The following CD99L2 variants were observed in gnomAD, a reference collection of about 807,000 sequenced individuals.
The protein encoded by CD99L2 is CD99 antigen-like protein 2.
CD99L2 carries 24 observed loss-of-function variants against 27.3 expected under a neutral mutation model. The ratio of observed to expected loss-of-function variants is 0.88; its 90% confidence interval spans 0.64 to 1.24. CD99L2 has a LOEUF of 1.24. Ranked by LOEUF, CD99L2 falls within the 50% of genes most tolerant of loss-of-function variation. The pLI is 0.00. For missense variants in CD99L2, 255 were observed against 221.6 expected, an observed-to-expected ratio of 1.15 and a Z score of -0.96; for synonymous variants, 97 against 87.9, an observed-to-expected ratio of 1.10 and a Z score of -0.58.
chrX:150,827,304 T>G (rs1479612136), intron 2 of CD99L2, among the ~76,000 whole-genome samples: 3 of 110,458 alleles, frequency 2.7e-5, no homozygotes, highest in African/African-American at 9.9e-5. Context: ...AAACATAAGC[T>G]AAGATAGAAA....
In CD99L2 at chrX:150,898,072, C is replaced by G. The variant is rs1057027572; in HGVS notation, c.67+450G>C. Among the ~76,000 whole-genome samples, 2 of 53,492 alleles carry G rather than the reference C, an allele frequency of 3.7e-5. 1 individual carries two copies. Among genetic ancestry groups the G allele is most frequent in the Non-Finnish European group, 9.1e-5 (2 of 22,023 alleles). The allele number at this position is 53,492 out of a possible 115,157, so 46.5% of individuals were successfully genotyped here. On this transcript the variant is annotated intron_variant, in intron 1 of 10. Coordinates refer to ENST00000370377, the MANE Select transcript of CD99L2 (RefSeq NM_031462.4). ...CTCGCTGACCCCCCCCCCCCCCCCC[C>G]ACAGCCCATGCCCGCTGTGATCCCG...
chrX:150,823,318 C>T (rs1233419725), intron 2 of CD99L2, among the ~76,000 whole-genome samples: 5 of 111,962 alleles, frequency 4.5e-5, no homozygotes, highest in East Asian at 5.6e-4. Context: ...CGGAATCTCA[C>T]TCTGTCGCTC....
chrX:150,781,860 A>G (rs2045517262), intron 7 of CD99L2, among the ~76,000 whole-genome samples: 1 of 112,359 alleles, frequency 8.9e-6, no homozygotes, highest in South Asian at 3.7e-4. Context: ...AAAGTTGTGA[A>G]TAAGCCCTGC....
At chrX:150,844,178 C>G (rs782777571) in intron 1 of CD99L2, among the ~76,000 whole-genome samples, 1 of 112,255 alleles carries the variant, frequency 8.9e-6, no homozygotes, top group Non-Finnish European at 1.9e-5. Flanking sequence ...GTTTCACCAT[C>G]ATATGATAAA....
intron 2 of CD99L2, among the ~76,000 whole-genome samples, chrX:150,820,002 AC>A (rs1478646279): frequency 3.6e-5 from 4 of 111,952 alleles, no homozygotes; most frequent in African/African-American, 1.3e-4. Flanking sequence ...ACACTTCCTA[AC>A]TCATTCTATC....
At chrX:150,894,470 A>G (rs2047572861) in intron 1 of CD99L2, among the ~76,000 whole-genome samples, 1 of 112,059 alleles carries the variant, frequency 8.9e-6, no homozygotes, top group Middle Eastern at 4.2e-3. Context: ...GGTACGCTTT[A>G]AAGCCTACAC....
chrX:150,824,304 A>AGAAGAG (rs1223503217), intron 2 of CD99L2, among the ~76,000 whole-genome samples: 1,227 of 62,536 alleles, frequency 0.02, 141 homozygotes, highest in African/African-American at 0.044. Context: ...AAGAAGAAGA[A>AGAAGAG]GAGGAGGAGG....
intron 4 of CD99L2, among the ~76,000 whole-genome samples, chrX:150,798,637 T>A (rs1457315178): frequency 8.9e-6 from 1 of 112,097 alleles, no homozygotes; most frequent in Non-Finnish European, 1.9e-5. Flanking sequence ...GAGAAAATAT[T>A]ATGAAAAAGT....
chrX:150,832,704 G>A (rs782619317), intron 1 of CD99L2, among the ~76,000 whole-genome samples: 8 of 111,220 alleles, frequency 7.2e-5, no homozygotes, highest in Non-Finnish European at 1.3e-4. Context: ...AAGGAAGAAG[G>A]TAAATTGTCT....
intron 2 of CD99L2, among the ~76,000 whole-genome samples, chrX:150,820,367 G>C (rs1557420637): frequency 9.0e-6 from 1 of 111,405 alleles, no homozygotes; most frequent in Non-Finnish European, 1.9e-5. Context: ...GAATAGAAGA[G>C]AATTTCCCAT....
intron 1 of CD99L2, among the ~76,000 whole-genome samples, chrX:150,845,571 T>G (rs1557421449): frequency 9.1e-6 from 1 of 110,468 alleles, no homozygotes; most frequent in African/African-American, 3.3e-5. Context: ...CCACAGTGGT[T>G]AATCATTAGG....
chrX:150,773,196 C>G (rs1172354704), intron 9 of CD99L2, among the ~76,000 whole-genome samples: 1 of 112,261 alleles, frequency 8.9e-6, no homozygotes, highest in Non-Finnish European at 1.9e-5. Context: ...TCGAGATACC[C>G]TTGATGGGGA....
In CD99L2 at chrX:150,819,929, C is replaced by A. The variant is rs370163631; in HGVS notation, c.131-3851G>T. On this transcript the variant is annotated intron_variant, in intron 2 of 10. Coordinates refer to ENST00000370377, the MANE Select transcript of CD99L2 (RefSeq NM_031462.4). ...ATTCTACCAAACATTTAAAAAAGAA[C>A]CAACACCAATTAATCTCAAACTCTT... Among the ~76,000 whole-genome samples, 26 of 111,576 alleles carry A rather than the reference C, an allele frequency of 2.3e-4. No individual in the cohort carries two copies. The East Asian group carries it at 4.5e-3, about 19-fold the overall frequency.
At chrX:150,893,078 T>A (rs184258456) in intron 1 of CD99L2, among the ~76,000 whole-genome samples, 187 of 111,243 alleles carry the variant, frequency 1.7e-3, no homozygotes, top group Admixed American at 3.5e-3. Context: ...GAGATCGCAC[T>A]ATTGCACTCC....
intron 1 of CD99L2, among the ~76,000 whole-genome samples, chrX:150,850,990 A>G (rs782583444): frequency 9.0e-5 from 10 of 111,482 alleles, no homozygotes; most frequent in Non-Finnish European, 1.7e-4. Context: ...GGCACGTGCC[A>G]CGGCACGCGG....
intron 1 of CD99L2, among the ~76,000 whole-genome samples, chrX:150,887,083 G>T (rs1557422643): frequency 9.3e-6 from 1 of 108,092 alleles, no homozygotes; most frequent in Non-Finnish European, 1.9e-5. Context: ...GCTTGAGGCA[G>T]CATTGAGCCA....
intron 7 of CD99L2, among the ~76,000 whole-genome samples, chrX:150,779,671 G>T (rs910539694): frequency 8.9e-6 from 1 of 112,252 alleles, no homozygotes; most frequent in Non-Finnish European, 1.9e-5. Context: ...ATGAGTCATG[G>T]GCATAAAATA....
intron 7 of CD99L2, among the ~76,000 whole-genome samples, chrX:150,792,917 T>A (rs1015575740): frequency 8.9e-6 from 1 of 112,242 alleles, no homozygotes; most frequent in Non-Finnish European, 1.9e-5. Flanking sequence ...ATTAACACTA[T>A]CTGGCCTTGG....
intron 2 of CD99L2, among the ~76,000 whole-genome samples, chrX:150,823,544 C>T (rs2046272027): frequency 9.0e-6 from 1 of 111,676 alleles, no homozygotes; most frequent in South Asian, 3.8e-4. Context: ...CCTCACCCTC[C>T]CCAAGTGCTG....
Sources: allele counts gnomAD v4.1 joint callset (sites outside exome capture counted in the v4.1 genomes callset), GRCh38; gene constraint gnomAD v4.1.1; transcripts MANE v1.5; gene names NCBI Gene and HGNC (gene_info 2026-07-23, HGNC 2026-07-21).